SH3PXD2A: variants seen among roughly 807,000 people sequenced by gnomAD.
The protein encoded by SH3PXD2A is SH3 and PX domains 2A.
A neutral mutation model predicts 115.2 loss-of-function variants in SH3PXD2A; 32 were observed. The observed-to-expected ratio is 0.28, with a 90% CI of 0.21 to 0.37. SH3PXD2A has a LOEUF of 0.37. SH3PXD2A is among the 10% of genes least tolerant of loss of function. The pLI is 1.00. For synonymous variants in SH3PXD2A, 610 were observed against 629.1 expected (o/e 0.97, Z 0.45); for missense variants, 1,328 against 1,498.7 (o/e 0.89, Z 1.88).
intron 14 of SH3PXD2A, 136 bp from the exon 15 acceptor site, chr10:103,603,925 A>T: frequency 1.0e-6 from 1 of 998,624 alleles, no homozygotes; most frequent in Non-Finnish European, 1.4e-6. Context: ...CCACTGAGTA[A>T]GTGGCCCAAA....
intron 2 of SH3PXD2A, among the ~76,000 whole-genome samples, chr10:103,788,193 T>C (rs1231447629): frequency 6.6e-6 from 1 of 152,228 alleles, no homozygotes; most frequent in Non-Finnish European, 1.5e-5. Flanking sequence ...AAGGCTTTCC[T>C]GAGGCTCATC....
intron 3 of SH3PXD2A, chr10:103,754,584 ACCCCATCTTGGAAGGGAGGG>A (rs1349617771): frequency 6.6e-6 from 1 of 151,830 alleles, no homozygotes; most frequent in African/African-American, 2.4e-5. Flanking sequence ...CCAAAACTTC[ACCCCATCTTGGAAGGGAGGG>A]GAGAGAGAAT....
intron 2 of SH3PXD2A, among the ~76,000 whole-genome samples, chr10:103,772,901 C>A (rs910171684): frequency 6.6e-6 from 1 of 152,216 alleles, no homozygotes; most frequent in Non-Finnish European, 1.5e-5. Flanking sequence ...AAGCTGGTGG[C>A]TTTCCTGACC....
chr10:103,786,774 G>GC (rs1469948342), intron 2 of SH3PXD2A, among the ~76,000 whole-genome samples: 3 of 152,202 alleles, frequency 2.0e-5, no homozygotes, highest in African/African-American at 7.2e-5. Flanking sequence ...AGGACATGGG[G>GC]CAGGGCCTGA....
rs950684008 is a variant in SH3PXD2A at position 103,594,897 on chromosome 10, T to G, written c.*6919A>C. On this transcript the variant is annotated 3_prime_UTR_variant, in exon 15 of 15. Transcript: ENST00000369774. Reference sequence around the variant, plus strand: ...GTACCAACAAGACGACAAAGGAGGTTGCCTTCCTCCCAGATGTGCCCAATG... The same window carrying G: ...GTACCAACAAGACGACAAAGGAGGTGGCCTTCCTCCCAGATGTGCCCAATG... 1.3e-5 allele frequency: 2 copies of G among 152,206 alleles called. No homozygotes were observed. The highest frequency in any genetic ancestry group is 4.8e-5 in the African/African-American group (2 of 41,452). 9.4% of individuals were successfully genotyped at this position (152,206 alleles called of 1,614,324 possible). A position where few individuals can be genotyped will look rare whatever the true frequency, so the allele number is the denominator to read the frequency against.
chr10:103,650,127 GC>G (rs148703390), intron 8 of SH3PXD2A, among the ~76,000 whole-genome samples: 2,809 of 152,218 alleles, frequency 0.018, 82 homozygotes, highest in African/African-American at 0.063. Flanking sequence ...CCAGGCTCTA[GC>G]CCTAGTAACA....
rs1815674369 is a variant in SH3PXD2A at position 103,620,708 on chromosome 10, C to T, written c.802+1762G>A. Among the ~76,000 whole-genome samples the T allele has an allele frequency of 6.6e-6, 1 of 152,108 alleles. No individual in the cohort carries two copies. Among genetic ancestry groups the T allele is most frequent in the Non-Finnish European group, 1.5e-5 (1 of 68,024 alleles). On this transcript the variant is annotated intron_variant, in intron 10 of 14. Transcript: ENST00000369774. This position sits in a 1 kb window ranked among gnomAD's most constrained non-coding sequence, Gnocchi z 5.3. Reference sequence around the variant, plus strand: ...GGCTGGGACATTATGTTGTTTAGGTCTCTTATTTAAGAGAGAGAGAGAGAG... The same window carrying T: ...GGCTGGGACATTATGTTGTTTAGGTTTCTTATTTAAGAGAGAGAGAGAGAG...
chr10:103,661,888 G>A (rs996317260), intron 7 of SH3PXD2A: 8 of 985,164 alleles, frequency 8.1e-6, no homozygotes, highest in Non-Finnish European at 9.6e-6. Context: ...CCGCGCCAGC[G>A]GCTGGCGAGC....
At chr10:103,608,983 C>CACAT (rs1375890734) in intron 13 of SH3PXD2A, 7 of 152,108 alleles carry the variant, frequency 4.6e-5, no homozygotes, top group African/African-American at 1.4e-4. Context: ...CTACCACACA[C>CACAT]ACATACACAC....
intron 8 of SH3PXD2A, among the ~76,000 whole-genome samples, chr10:103,641,632 A>G (rs1190709713): frequency 2.0e-5 from 3 of 152,202 alleles, no homozygotes; most frequent in Non-Finnish European, 4.4e-5. Flanking sequence ...CCCATCTGAC[A>G]GATGAGCCAA....
Position 103,757,793 on chromosome 10 carries a change from T to C in SH3PXD2A, c.229+9301A>G, listed in dbSNP as rs545564512. Among the ~76,000 whole-genome samples, 8 of 152,274 alleles carry C rather than the reference T, an allele frequency of 5.3e-5. No homozygotes were observed. In the South Asian group the frequency reaches 1.7e-3, roughly 32 times the overall value. ...CATCCCAGATCAGCCATCTGGGTCATCTGCTCTTTAGAAACAAGCTCCTTG... is the reference window on the plus strand; with the variant it reads ...CATCCCAGATCAGCCATCTGGGTCACCTGCTCTTTAGAAACAAGCTCCTTG... On this transcript the variant is annotated intron_variant, in intron 3 of 14. Coordinates refer to ENST00000369774, the MANE Select transcript of SH3PXD2A (RefSeq NM_001394015.1).
At chr10:103,788,693 C>A (rs893487082) in intron 2 of SH3PXD2A, among the ~76,000 whole-genome samples, 3 of 151,998 alleles carry the variant, frequency 2.0e-5, no homozygotes, top group Admixed American at 2.0e-4. Flanking sequence ...ATGGAGAAAC[C>A]CCGTCTCTAC....
chr10:103,667,137 G>T (rs920605427), intron 7 of SH3PXD2A, among the ~76,000 whole-genome samples: 2 of 152,112 alleles, frequency 1.3e-5, no homozygotes, highest in African/African-American at 4.8e-5. Flanking sequence ...AGAAACCAAG[G>T]CCCAGAGAGA....
intron 1 of SH3PXD2A, among the ~76,000 whole-genome samples, chr10:103,812,125 T>C (rs1409443068): frequency 6.6e-6 from 1 of 152,228 alleles, no homozygotes; most frequent in African/African-American, 2.4e-5. Flanking sequence ...CCAGAGTACC[T>C]GAGAGCATGC....
Position 103,693,043 on chromosome 10 carries a change from A to G in SH3PXD2A, c.412T>C (p.Ser138Pro), listed in dbSNP as rs1324926595. Reference sequence around the variant, plus strand: ...GCTCCCTTACCTGATTTCCTCTTGGAACTGCCATAGTCCCTGAAAAAGAAG... The same window carrying G: ...GCTCCCTTACCTGATTTCCTCTTGGGACTGCCATAGTCCCTGAAAAAGAAG... ...VNPPKEDYGS[S>P]KRKSVWLSSW... is the part of the protein sequence containing the mutation. Residue 138 changes from serine to proline, a missense_variant, in exon 6 of 15, where the codon TCC becomes CCC. Ser to Pro is a moderately conservative substitution (Grantham distance 74). Transcript: ENST00000369774. 6.2e-7 allele frequency: 1 copy of G among 1,613,304 alleles called. No homozygotes were observed. The highest frequency in any genetic ancestry group is 2.2e-5 in the East Asian group (1 of 44,794).
intron 1 of SH3PXD2A, among the ~76,000 whole-genome samples, chr10:103,837,912 GAGCCGCCTCTT>G (rs1019603572): frequency 2.6e-5 from 4 of 152,080 alleles, no homozygotes; most frequent in Admixed American, 2.6e-4. Context: ...AGAGCCCACT[GAGCCGCCTCTT>G]GGGGCCCTCG....
intron 3 of SH3PXD2A, among the ~76,000 whole-genome samples, chr10:103,751,479 A>C (rs2038579145): frequency 6.6e-6 from 1 of 152,220 alleles, no homozygotes; most frequent in African/African-American, 2.4e-5. Flanking sequence ...AAGCACAGAG[A>C]GGTTAAGTAA....
chr10:103,631,750 T>A (rs2036782938), intron 8 of SH3PXD2A, among the ~76,000 whole-genome samples: 1 of 152,114 alleles, frequency 6.6e-6, no homozygotes, highest in Admixed American at 6.5e-5. Flanking sequence ...TCACCACAAT[T>A]CCCAACTTGG....
intron 2 of SH3PXD2A, among the ~76,000 whole-genome samples, chr10:103,768,279 G>A (rs1435702936): frequency 6.6e-6 from 1 of 152,316 alleles, no homozygotes; most frequent in South Asian, 2.1e-4. Flanking sequence ...GATATGGTAC[G>A]GGAACAGTAC....
Sources: gnomAD v4.1 joint callset for allele counts (sites outside exome capture counted in the v4.1 genomes callset) on GRCh38, gnomAD v4.1.1 for gene constraint, Gnocchi (gnomAD v3.1) non-coding constraint, MANE v1.5 for transcripts, NCBI Gene and HGNC (gene_info 2026-07-23, HGNC 2026-07-21) for gene names.